IKBIP: variants seen among roughly 807,000 people sequenced by gnomAD.
IKBIP encodes inhibitor of nuclear factor kappa-B kinase-interacting protein.
IKBIP carries 28 observed loss-of-function variants against 31.0 expected under a neutral mutation model. The ratio of observed to expected loss-of-function variants is 0.90; its 90% CI spans 0.67 to 1.24. The LOEUF (loss-of-function observed/expected upper bound fraction) is 1.24, where lower values mean the gene tolerates loss of function less well. IKBIP is among the 50% of genes most tolerant of loss of function. The pLI is 0.00. For synonymous variants in IKBIP, 164 were observed against 160.3 expected, an observed-to-expected ratio of 1.02 and a Z score of -0.17; for missense variants, 453 against 441.9, an observed-to-expected ratio of 1.03 and a Z score of -0.23.
chr12:98,625,157 A>G lies in IKBIP; in HGVS notation c.*773T>C, dbSNP rs993550621. The G allele has an allele frequency of 4.1e-6, 4 of 985,160 alleles. No homozygotes were observed. The South Asian group carries it at 1.4e-4, about 35-fold the overall frequency. The allele number at this position is 985,160 out of a possible 1,614,324, so 61.0% of individuals were successfully genotyped here. On this transcript the variant is annotated 3_prime_UTR_variant, in exon 3 of 3. Transcript: ENST00000299157. Reference sequence around the variant, plus strand: ...GATCTAGCAAACTCATGTCTAACACAGTTGGAACCTAAAACTCAGGTATAT... The same window carrying G: ...GATCTAGCAAACTCATGTCTAACACGGTTGGAACCTAAAACTCAGGTATAT...
intron 1 of IKBIP, 37 bp downstream of exon 1, chr12:98,644,486 A>G (rs763216271): frequency 6.5e-7 from 1 of 1,536,486 alleles, no homozygotes; most frequent in South Asian, 1.2e-5. Flanking sequence ...CAGGGGGCCC[A>G]CAGGAGGCCG....
downstream of IKBIP, among the ~76,000 whole-genome samples, chr12:98,623,537 G>A (rs1020771668): frequency 6.9e-6 from 1 of 145,650 alleles, no homozygotes; most frequent in African/African-American, 2.6e-5. Flanking sequence ...GAGCCATTGT[G>A]CCTGGCCTTA....
At position 98,625,327 on chromosome 12, in the gene IKBIP, G is replaced by A. The variant is rs57663236; in HGVS notation, c.*603C>T. 1.9e-3 allele frequency: 1,844 copies of A among 979,966 alleles called. 22 individuals carry two copies. The African/African-American group carries it at 0.03, about 16-fold the overall frequency. The allele number at this position is 979,966 out of a possible 1,614,324, so 60.7% of individuals were successfully genotyped here. A position where few individuals can be genotyped will look rare whatever the true frequency, so the allele number is the denominator to read the frequency against. On this transcript the variant is annotated 3_prime_UTR_variant, in exon 3 of 3. Coordinates refer to ENST00000299157, the MANE Select transcript of IKBIP (RefSeq NM_153687.4). ...AAACTAAAATGTTTCCCAGGCTTTA[G>A]AGTTTTCAGAAAGTGCATATTAATT...
chr12:98,634,531 TA>T, intron 1 of IKBIP, 118 bp from the exon 2 acceptor site: 1 of 541,514 alleles, frequency 1.8e-6, no homozygotes, highest in East Asian at 3.3e-5. Flanking sequence ...TGGGTAGCTG[TA>T]GGTTTTTTTT....
chr12:98,642,758 G>A (rs1001293286), intron 1 of IKBIP, among the ~76,000 whole-genome samples: 1 of 151,264 alleles, frequency 6.6e-6, no homozygotes, highest in Non-Finnish European at 1.5e-5. Flanking sequence ...ATGCCACCAT[G>A]CCTGGCTTTT....
intron 2 of IKBIP, among the ~76,000 whole-genome samples, chr12:98,631,002 G>A (rs564844924): frequency 2.9e-4 from 44 of 151,194 alleles, no homozygotes; most frequent in African/African-American, 1.0e-3. Flanking sequence ...GCATGATCTC[G>A]GCTCACCACA....
At chr12:98,632,512 A>AT (rs1229157530) in intron 2 of IKBIP, among the ~76,000 whole-genome samples, 1 of 22,794 alleles carries the variant, frequency 4.4e-5, no homozygotes, top group African/African-American at 1.7e-4. Flanking sequence ...AAAAAAAAAA[A>AT]ATATATATAT....
chr12:98,640,904 G>T (rs934451902), intron 1 of IKBIP, among the ~76,000 whole-genome samples: 1 of 152,130 alleles, frequency 6.6e-6, no homozygotes, highest in East Asian at 1.9e-4. Flanking sequence ...TGGGACTACA[G>T]GCATGCGCCA....
chr12:98,638,699 C>T (rs935176545), intron 1 of IKBIP, among the ~76,000 whole-genome samples: 7 of 152,156 alleles, frequency 4.6e-5, no homozygotes, highest in African/African-American at 1.7e-4. Context: ...ATTCTCCCAC[C>T]TCAGCCTCTC....
chr12:98,626,221 G>C lies in IKBIP; in HGVS notation c.843C>G (p.His281Gln). 1 of 1,614,146 alleles carries C rather than the reference G, an allele frequency of 6.2e-7. No individual in the cohort carries two copies. The highest frequency in any genetic ancestry group is 8.5e-7 in the Non-Finnish European group (1 of 1,180,012). ...THLPTIESAI[H>Q]SVLRVSQDLI... The stretch of plus-strand genomic sequence containing the variant: ...GATCCTGAGAGACTCTGAGAACAGA[G>C]TGAATAGCACTTTCAATTGTTGGCA... Residue 281 changes from histidine (H) to glutamine (Q), a missense_variant, in exon 3 of 3, where the codon CAC becomes CAG. His to Gln is a conservative substitution (Grantham distance 24). Transcript: ENST00000299157.
intron 1 of IKBIP, among the ~76,000 whole-genome samples, chr12:98,643,788 C>T (rs1454702306): frequency 1.3e-5 from 2 of 149,590 alleles, no homozygotes; most frequent in African/African-American, 4.9e-5. Flanking sequence ...ATAACGTTTG[C>T]TCCTTTGGGA....
chr12:98,619,559 G>A (rs2097608439), downstream of IKBIP, among the ~76,000 whole-genome samples: 1 of 152,208 alleles, frequency 6.6e-6, no homozygotes, highest in African/African-American at 2.4e-5. Context: ...CTTCGGGTTT[G>A]GTTAACCTAT....
rs990730016 is a variant in IKBIP at position 98,630,857 on chromosome 12, G to C, written c.297+3439C>G. Among the ~76,000 whole-genome samples, 6 of 152,276 alleles carry C rather than the reference G, an allele frequency of 3.9e-5. No homozygotes were observed. In the East Asian group the frequency reaches 1.2e-3, roughly 29 times the overall value. The stretch of plus-strand genomic sequence containing the variant: ...CCCTTTAGGGCCACCTTTGTGAAAA[G>C]GGACCTCTTATTAAATTACTCCCAG... On this transcript the variant is annotated intron_variant, in intron 2 of 2. Transcript: ENST00000299157.
intron 2 of IKBIP, among the ~76,000 whole-genome samples, chr12:98,618,451 C>T: frequency 6.6e-6 from 1 of 151,656 alleles, no homozygotes; most frequent in Non-Finnish European, 1.5e-5. Context: ...GCAGTGAAAC[C>T]CTGTCTCTAC....
intron 2 of IKBIP, among the ~76,000 whole-genome samples, chr12:98,632,734 C>T (rs1178573957): frequency 1.3e-5 from 2 of 149,236 alleles, no homozygotes; most frequent in South Asian, 2.1e-4. Context: ...AAGCAATTCT[C>T]ATACATCAGC....
downstream of IKBIP, among the ~76,000 whole-genome samples, chr12:98,619,873 G>GAA (rs562387976): frequency 3.4e-3 from 237 of 68,970 alleles, 5 homozygotes; most frequent in African/African-American, 0.014. Flanking sequence ...CCCTTTCTCA[G>GAA]AAAAAAAAAA....
downstream of IKBIP, among the ~76,000 whole-genome samples, chr12:98,621,307 A>C (rs925685594): frequency 6.6e-6 from 1 of 152,214 alleles, no homozygotes; most frequent in Non-Finnish European, 1.5e-5. Context: ...CAGAATATGC[A>C]GTGGCAAAAC....
At chr12:98,618,582 T>C (rs1018015558) in intron 2 of IKBIP, among the ~76,000 whole-genome samples, 8 of 149,564 alleles carry the variant, frequency 5.3e-5, no homozygotes, top group Admixed American at 2.7e-4. Flanking sequence ...GCCGAGATTG[T>C]GCCACTGCAC....
intron 1 of IKBIP, among the ~76,000 whole-genome samples, chr12:98,644,131 G>T (rs952030742): frequency 2.0e-5 from 3 of 152,196 alleles, no homozygotes; most frequent in African/African-American, 7.2e-5. Flanking sequence ...TTTATGGGGT[G>T]AGTAGGGTGG....
Sources: gnomAD v4.1 joint callset for allele counts (sites outside exome capture counted in the v4.1 genomes callset) on GRCh38, gnomAD v4.1.1 for gene constraint, MANE v1.5 for transcripts, NCBI Gene and HGNC (gene_info 2026-07-23, HGNC 2026-07-21) for gene names.